The following ROBO2 variants were observed in gnomAD, a reference collection of about 807,000 sequenced individuals.
ROBO2 encodes the protein roundabout homolog 2.
In ROBO2, 53 loss-of-function variants were observed where a neutral mutation model predicts 160.8. The ratio of observed to expected loss-of-function variants is 0.33; its 90% CI spans 0.26 to 0.41. The LOEUF (loss-of-function observed/expected upper bound fraction) is 0.41. Ranked by LOEUF, ROBO2 falls within the 10% of genes least tolerant of loss-of-function variation. The pLI, the probability that ROBO2 is intolerant of heterozygous loss-of-function variation, is 1.00. For synonymous variants in ROBO2, 664 were observed against 611.7 expected (o/e 1.09, Z -1.26); for missense variants, 1,577 against 1,722.4 (o/e 0.92, Z 1.49).
At chr3:76,942,658 T>C (rs1460377933) in intron 2 of ROBO2, among the ~76,000 whole-genome samples, 1 of 151,776 alleles carries the variant, frequency 6.6e-6, no homozygotes, top group Non-Finnish European at 1.5e-5. Flanking sequence ...CCTCTCATTG[T>C]AGCCTAGAGA....
rs1485683744 is a variant in ROBO2 at position 77,588,945 on chromosome 3, T to C, written c.2683+12T>C. On this transcript the variant is annotated intron_variant, in intron 17 of 25. Coordinates refer to ENST00000461745, the Ensembl canonical transcript of ROBO2. ...CAGTAATTATGCTGGTAAGTGACTATTTCCAGCTAAGAAAATCTCTTGTCT... is the reference window on the plus strand; with the variant it reads ...CAGTAATTATGCTGGTAAGTGACTACTTCCAGCTAAGAAAATCTCTTGTCT... 3.7e-6 allele frequency: 6 copies of C among 1,612,666 alleles called. No individual in the cohort carries two copies. In the African/African-American group the frequency reaches 6.7e-5, roughly 18 times the overall value.
intron 2 of ROBO2, among the ~76,000 whole-genome samples, chr3:76,763,289 G>A (rs944534818): frequency 2.6e-5 from 4 of 151,686 alleles, no homozygotes; most frequent in Non-Finnish European, 4.4e-5. Context: ...GGAATGTTGT[G>A]AGGCTCAAAG....
chr3:75,960,879 A>C (rs1394415222), intron 2 of ROBO2, among the ~76,000 whole-genome samples: 3 of 151,802 alleles, frequency 2.0e-5, no homozygotes, highest in Non-Finnish European at 4.4e-5. Flanking sequence ...TGGAAATATT[A>C]GAAATATGAA....
At chr3:77,231,741 T>C (rs544535111) in intron 2 of ROBO2, among the ~76,000 whole-genome samples, 15 of 152,280 alleles carry the variant, frequency 9.9e-5, no homozygotes, top group African/African-American at 3.6e-4. Flanking sequence ...TGTTATTTTG[T>C]CGTTTTTGAC....
At chr3:76,575,951 AG>A (rs2085262909) in intron 2 of ROBO2, among the ~76,000 whole-genome samples, 1 of 151,982 alleles carries the variant, frequency 6.6e-6, no homozygotes, top group Non-Finnish European at 1.5e-5. Context: ...TCTTAGTGCA[AG>A]GAGTAGAAGA....
intron 2 of ROBO2, among the ~76,000 whole-genome samples, chr3:76,762,495 C>A (rs1405701589): frequency 7.0e-6 from 1 of 142,012 alleles, no homozygotes. Context: ...AAGCAAGTAA[C>A]ATTGAAAATA....
chr3:77,058,344 T>G (rs1234115331), intron 1 of ROBO2, among the ~76,000 whole-genome samples: 1 of 152,182 alleles, frequency 6.6e-6, no homozygotes, highest in African/African-American at 2.4e-5. Context: ...CACAATAGCC[T>G]GCTATTGTAA....
chr3:76,024,371 A>T (rs1321103106), intron 2 of ROBO2, among the ~76,000 whole-genome samples: 4 of 149,504 alleles, frequency 2.7e-5, no homozygotes, highest in African/African-American at 9.8e-5. Flanking sequence ...TTTAGAACTT[A>T]TTTTTTTTTT....
At chr3:76,482,439 A>T (rs1400178623) in intron 2 of ROBO2, among the ~76,000 whole-genome samples, 3 of 152,162 alleles carry the variant, frequency 2.0e-5, no homozygotes, top group Admixed American at 6.6e-5. Context: ...TTACTTTTGC[A>T]ACAAGGCAGA....
At chr3:77,367,230 G>A (rs923971369) in intron 2 of ROBO2, among the ~76,000 whole-genome samples, 2 of 152,086 alleles carry the variant, frequency 1.3e-5, no homozygotes, top group African/African-American at 4.8e-5. Context: ...AAACCTTTAA[G>A]CCAGAGATAT....
At chr3:76,966,439 T>A (rs1192960809) in intron 2 of ROBO2, among the ~76,000 whole-genome samples, 5 of 152,196 alleles carry the variant, frequency 3.3e-5, no homozygotes. Flanking sequence ...AGCCAGTAAA[T>A]GGCAGAGCCA....
At chr3:77,510,467 C>A (rs1012403337) in intron 5 of ROBO2, among the ~76,000 whole-genome samples, 1 of 151,876 alleles carries the variant, frequency 6.6e-6, no homozygotes, top group Non-Finnish European at 1.5e-5. Flanking sequence ...AAAGGCAGAG[C>A]CATTTCAAAA....
rs146152095 is a variant in ROBO2 at position 76,399,866 on chromosome 3, T to C, written c.109+462264T>C. On this transcript the variant is annotated intron_variant, in intron 2 of 26. Coordinates refer to the ROBO2 transcript ENST00000487694. Reference sequence around the variant, plus strand: ...TTTTAGAAAAACTAGGCTCATAGTATTATAATACCATATAGTAGATACAGT... The same window carrying C: ...TTTTAGAAAAACTAGGCTCATAGTACTATAATACCATATAGTAGATACAGT... Among the ~76,000 whole-genome samples, 21 of 151,856 alleles carry C rather than the reference T, an allele frequency of 1.4e-4. No homozygotes were observed. The East Asian group carries it at 1.5e-3, about 11-fold the overall frequency.
chr3:77,532,874 A>C (rs953032768), intron 6 of ROBO2, among the ~76,000 whole-genome samples: 1 of 151,830 alleles, frequency 6.6e-6, no homozygotes, highest in African/African-American at 2.4e-5. Flanking sequence ...TATTTGTTTT[A>C]AATTGTTTCT....
rs2153607845 is a variant in ROBO2, at chr3:77,501,844, C to T, written c.806+8462C>T. The stretch of plus-strand genomic sequence containing the variant: ...CTTGTAAACTTATTTATATTTTAGA[C>T]ATATTTTTCATTCAAAATTGTTCTT... On this transcript the variant is annotated intron_variant, in intron 5 of 25. Coordinates refer to ENST00000461745, the Ensembl canonical transcript of ROBO2. Among the ~76,000 whole-genome samples, 3 of 152,170 alleles carry T rather than the reference C, an allele frequency of 2.0e-5. No homozygotes were observed. In the South Asian group the frequency reaches 6.2e-4, roughly 32 times the overall value.
At position 76,667,013 on chromosome 3, in the gene ROBO2, G is replaced by A. The variant is rs138277655; in HGVS notation, c.110-431001G>A. On this transcript the variant is annotated intron_variant, in intron 2 of 26. Coordinates refer to the ROBO2 transcript ENST00000487694. ...GAATGCATTTAACTCAGAGGAACACGCTCATATTCATTTGCATATGTTGGA... is the reference window on the plus strand; with the variant it reads ...GAATGCATTTAACTCAGAGGAACACACTCATATTCATTTGCATATGTTGGA... Among the ~76,000 whole-genome samples the A allele has an allele frequency of 5.5e-4, 84 of 152,014 alleles. No individual in the cohort carries two copies. The East Asian group carries it at 0.015, about 27-fold the overall frequency.
chr3:76,983,389 G>A (rs2060201838), intron 2 of ROBO2, among the ~76,000 whole-genome samples: 1 of 152,146 alleles, frequency 6.6e-6, no homozygotes, highest in South Asian at 2.1e-4. Context: ...AAAGGCATAT[G>A]TTGCTTTCTT....
intron 2 of ROBO2, among the ~76,000 whole-genome samples, chr3:77,328,017 C>G (rs921848734): frequency 6.9e-6 from 1 of 144,826 alleles, no homozygotes; most frequent in Non-Finnish European, 1.5e-5. Context: ...GAGTGGAGAT[C>G]GCACCACTGC....
chr3:76,421,681 G>A (rs947198392), intron 2 of ROBO2, among the ~76,000 whole-genome samples: 16 of 151,774 alleles, frequency 1.1e-4, no homozygotes, highest in African/African-American at 3.9e-4. Flanking sequence ...AGCAGAGATC[G>A]TGCCATTACA....
Sources: gnomAD v4.1 joint callset for allele counts (sites outside exome capture counted in the v4.1 genomes callset) on GRCh38, gnomAD v4.1.1 for gene constraint, MANE v1.5 for transcripts, NCBI Gene and HGNC (gene_info 2026-07-23, HGNC 2026-07-21) for gene names.